ERC2: variants seen among roughly 807,000 people sequenced by gnomAD.
ERC2 encodes the protein ERC protein 2.
A neutral mutation model predicts 114.8 loss-of-function variants in ERC2; 42 were observed. That is an observed-to-expected ratio of 0.37 (90% confidence interval 0.29 to 0.47). ERC2 has a LOEUF of 0.47. Among genes scored for constraint, ERC2 ranks in the 20% least tolerant of loss-of-function variants. ERC2 has a pLI of 0.99. For synonymous variants in ERC2, 454 were observed against 425.5 expected (o/e 1.07, Z -0.82); for missense variants, 939 against 1,150.7 (o/e 0.82, Z 2.66).
At chr3:55,739,177 G>C (rs1334622646) in intron 14 of ERC2, among the ~76,000 whole-genome samples, 4 of 152,134 alleles carry the variant, frequency 2.6e-5, no homozygotes, top group Non-Finnish European at 2.9e-5. Context: ...CATTTGGGTT[G>C]GTCCCAAGTC....
At chr3:55,833,625 G>A (rs1192018502) in intron 14 of ERC2, among the ~76,000 whole-genome samples, 1 of 152,146 alleles carries the variant, frequency 6.6e-6, no homozygotes, top group Non-Finnish European at 1.5e-5. Context: ...AACATGGAAA[G>A]GAACAACTGG....
intron 7 of ERC2, among the ~76,000 whole-genome samples, chr3:56,055,331 T>A (rs1017395131): frequency 6.6e-6 from 1 of 152,180 alleles, no homozygotes; most frequent in African/African-American, 2.4e-5. Context: ...GCCTTTGAGT[T>A]TCAGAGATTT....
At chr3:55,652,716 A>G (rs556853969) in intron 17 of ERC2, among the ~76,000 whole-genome samples, 1 of 152,214 alleles carries the variant, frequency 6.6e-6, no homozygotes, top group East Asian at 1.9e-4. Context: ...TCTTAAAAAT[A>G]TAAAAAAAGT....
At chr3:55,517,768 A>C (rs1288580039) in intron 17 of ERC2, among the ~76,000 whole-genome samples, 1 of 152,188 alleles carries the variant, frequency 6.6e-6, no homozygotes, top group Non-Finnish European at 1.5e-5. Flanking sequence ...ACCCTAGTCT[A>C]CATTTTGGGC....
intron 2 of ERC2, among the ~76,000 whole-genome samples, chr3:56,383,241 G>A (rs373884524): frequency 4.4e-4 from 67 of 152,150 alleles, no homozygotes; most frequent in Non-Finnish European, 8.7e-4. Context: ...GAGGAATCCT[G>A]TTAAAACATC....
intron 3 of ERC2, among the ~76,000 whole-genome samples, chr3:56,234,038 C>A (rs1427162393): frequency 2.6e-5 from 4 of 152,168 alleles, no homozygotes; most frequent in Non-Finnish European, 4.4e-5. Context: ...TTTTGGAGAT[C>A]CAGATGTCCT....
intron 14 of ERC2, among the ~76,000 whole-genome samples, chr3:55,760,731 CG>C (rs2067374735): frequency 6.6e-6 from 1 of 152,122 alleles, no homozygotes; most frequent in Admixed American, 6.5e-5. Flanking sequence ...GTTCAGTGCA[CG>C]TGAACACGCC....
chr3:55,838,524 A>C (rs1411594595), intron 14 of ERC2, among the ~76,000 whole-genome samples: 1 of 152,076 alleles, frequency 6.6e-6, no homozygotes, highest in Admixed American at 6.6e-5. Context: ...AACACAACAT[A>C]TTAAAGCATA....
intron 15 of ERC2, among the ~76,000 whole-genome samples, chr3:55,704,804 T>C (rs1307958631): frequency 6.6e-6 from 1 of 152,244 alleles, no homozygotes; most frequent in African/African-American, 2.4e-5. Flanking sequence ...TAAAGGCTTC[T>C]ACTGTGGACA....
At chr3:55,871,071 T>C (rs751326759) in intron 14 of ERC2, among the ~76,000 whole-genome samples, 6 of 152,146 alleles carry the variant, frequency 3.9e-5, no homozygotes, top group East Asian at 1.9e-4. Flanking sequence ...GGTTACCTAA[T>C]TGAGGGATAT....
At chr3:55,891,276 A>T (rs140310884) in intron 13 of ERC2, among the ~76,000 whole-genome samples, 1 of 151,994 alleles carries the variant, frequency 6.6e-6, no homozygotes, top group Non-Finnish European at 1.5e-5. Context: ...TTCAGATGAC[A>T]TCATCTTCAG....
intron 2 of ERC2, among the ~76,000 whole-genome samples, chr3:56,321,702 T>C (rs1473492608): frequency 2.0e-5 from 3 of 152,236 alleles, no homozygotes; most frequent in African/African-American, 4.8e-5. Context: ...TTCTTTAATA[T>C]AGGCATTTAC....
At chr3:56,277,436 C>T (rs941429964) in intron 3 of ERC2, among the ~76,000 whole-genome samples, 1 of 152,100 alleles carries the variant, frequency 6.6e-6, no homozygotes, top group Non-Finnish European at 1.5e-5. Context: ...TCCTTCTCCT[C>T]CCAAAACCCT....
intron 16 of ERC2, among the ~76,000 whole-genome samples, chr3:55,695,353 A>G (rs1316711876): frequency 5.3e-5 from 8 of 152,148 alleles, no homozygotes; most frequent in Non-Finnish European, 8.8e-5. Context: ...ATTTGTCTAG[A>G]TATTCTACTT....
chr3:55,743,162 CG>C (rs2066074366), intron 14 of ERC2, among the ~76,000 whole-genome samples: 1 of 152,156 alleles, frequency 6.6e-6, no homozygotes, highest in Non-Finnish European at 1.5e-5. Flanking sequence ...TTTCCTAACA[CG>C]GGGGCCATGG....
chr3:56,218,141 G>T (rs890474211), intron 3 of ERC2, among the ~76,000 whole-genome samples: 7 of 152,108 alleles, frequency 4.6e-5, no homozygotes, highest in African/African-American at 1.7e-4. Context: ...TGACAAATGG[G>T]ATCTAATTAA....
intron 2 of ERC2, among the ~76,000 whole-genome samples, chr3:56,350,295 C>G (rs1300622631): frequency 6.6e-6 from 1 of 152,238 alleles, no homozygotes; most frequent in African/African-American, 2.4e-5. Flanking sequence ...GCTGGCCTAT[C>G]TAAAATCTGC....
chr3:55,713,404 G>A (rs1489152488), intron 15 of ERC2, among the ~76,000 whole-genome samples: 1 of 151,764 alleles, frequency 6.6e-6, no homozygotes, highest in Non-Finnish European at 1.5e-5. Flanking sequence ...AGAGATGGTG[G>A]GGGAGTTTCA....
chr3:56,311,002 C>G (rs1023221542), intron 2 of ERC2, among the ~76,000 whole-genome samples: 2 of 151,500 alleles, frequency 1.3e-5, no homozygotes, highest in Non-Finnish European at 2.9e-5. Flanking sequence ...GACTGAAAAG[C>G]CAGTGTGTGT....
Sources: gnomAD v4.1 joint callset for allele counts (sites outside exome capture counted in the v4.1 genomes callset) on GRCh38, gnomAD v4.1.1 for gene constraint, MANE v1.5 for transcripts, NCBI Gene and HGNC (gene_info 2026-07-23, HGNC 2026-07-21) for gene names.